The following PPP6R3 variants were observed in gnomAD, a reference collection of about 807,000 sequenced individuals.
PPP6R3 encodes the protein protein phosphatase 6 regulatory subunit 3, also known as serine/threonine-protein phosphatase 6 regulatory subunit 3.
A neutral mutation model predicts 110.7 loss-of-function variants in PPP6R3; 38 were observed. The ratio of observed to expected loss-of-function variants is 0.34; its 90% CI spans 0.26 to 0.45. The LOEUF (loss-of-function observed/expected upper bound fraction) is 0.45. Ranked by LOEUF, PPP6R3 falls within the 20% of genes least tolerant of loss-of-function variation. PPP6R3 has a pLI of 1.00. For synonymous variants in PPP6R3, 369 were observed against 373.5 expected, an observed-to-expected ratio of 0.99 and a Z score of 0.14; for missense variants, 870 against 1,062.4, an observed-to-expected ratio of 0.82 and a Z score of 2.52.
At chr11:68,551,231 CAAAA>C in intron 6 of PPP6R3, 45 bp downstream of exon 6, 3 of 1,375,230 alleles carry the variant, frequency 2.2e-6, no homozygotes, top group South Asian at 1.2e-5. Flanking sequence ...AAAAAAAAAA[CAAAA>C]AACTGTTTAT....
chr11:68,577,939 A>T (rs768399495), intron 14 of PPP6R3, among the ~76,000 whole-genome samples: 3 of 152,184 alleles, frequency 2.0e-5, no homozygotes, highest in Non-Finnish European at 2.9e-5. Flanking sequence ...AACATTACCT[A>T]TATCCCCTGT....
At chr11:68,478,327 C>G (rs1048224860) in intron 1 of PPP6R3, among the ~76,000 whole-genome samples, 5 of 152,156 alleles carry the variant, frequency 3.3e-5, no homozygotes, top group African/African-American at 7.2e-5. Flanking sequence ...GAGGTGTGAG[C>G]CCCGTTGCCC....
intron 12 of PPP6R3, among the ~76,000 whole-genome samples, chr11:68,572,660 GACA>G (rs992775686): frequency 6.6e-6 from 1 of 152,078 alleles, no homozygotes; most frequent in Non-Finnish European, 1.5e-5. Context: ...GACCAGTCTG[GACA>G]ACATAGGGAG....
intron 1 of PPP6R3, among the ~76,000 whole-genome samples, chr11:68,512,497 A>C (rs1372845624): frequency 1.3e-5 from 2 of 152,190 alleles, no homozygotes; most frequent in East Asian, 3.8e-4. Context: ...GAAGCCCTGA[A>C]AGCCAATTAC....
At chr11:68,477,739 A>ATATATATATAT (rs768026020) in intron 1 of PPP6R3, among the ~76,000 whole-genome samples, 21 of 80,388 alleles carry the variant, frequency 2.6e-4, no homozygotes, top group African/African-American at 5.2e-4. Flanking sequence ...AAAAAAAAAA[A>ATATATATATAT]AAATATATAT....
intron 1 of PPP6R3, among the ~76,000 whole-genome samples, chr11:68,470,818 C>T (rs2098785882): frequency 6.6e-6 from 1 of 151,906 alleles, no homozygotes; most frequent in Non-Finnish European, 1.5e-5. Context: ...AGCTGGTGGG[C>T]GTTGCCATGT....
At chr11:68,605,797 G>C (rs931516360) in intron 22 of PPP6R3, among the ~76,000 whole-genome samples, 1 of 152,198 alleles carries the variant, frequency 6.6e-6, no homozygotes, top group Non-Finnish European at 1.5e-5. Context: ...TGTCTGTGGA[G>C]GAAAACAAGG....
rs1251593234 is a variant in PPP6R3 at position 68,599,946 on chromosome 11, A to AC, written c.2039-393dup. ...AGACCATCCTGGCTAACACAGTGAA[A>AC]CCTGTCTCTACTAAAAATACAAAAA... On this transcript the variant is annotated intron_variant, in intron 19 of 23. Coordinates refer to ENST00000393800, the MANE Select transcript of PPP6R3 (RefSeq NM_001164161.2). Among the ~76,000 whole-genome samples, 9 of 152,166 alleles carry AC rather than the reference A, an allele frequency of 5.9e-5. No individual in the cohort carries two copies. The East Asian group carries it at 7.8e-4, about 13-fold the overall frequency.
intron 1 of PPP6R3, among the ~76,000 whole-genome samples, chr11:68,485,486 C>T (rs979084989): frequency 6.6e-6 from 1 of 152,096 alleles, no homozygotes; most frequent in Non-Finnish European, 1.5e-5. Flanking sequence ...GCTTTAATTT[C>T]TGACCATCAA....
intron 1 of PPP6R3, among the ~76,000 whole-genome samples, chr11:68,508,246 A>G (rs970026009): frequency 2.7e-5 from 4 of 146,570 alleles, no homozygotes; most frequent in Non-Finnish European, 4.4e-5. Context: ...CTCCTGCCTC[A>G]GTCTCCCGAG....
intron 3 of PPP6R3, among the ~76,000 whole-genome samples, chr11:68,544,561 A>G (rs940176981): frequency 6.6e-6 from 1 of 152,250 alleles, no homozygotes; most frequent in Non-Finnish European, 1.5e-5. Context: ...GCCCTGCAGC[A>G]TGACCTCTCT....
chr11:68,542,415 A>G (rs2099324605), intron 3 of PPP6R3, among the ~76,000 whole-genome samples: 1 of 528 alleles, frequency 1.9e-3, no homozygotes, highest in African/African-American at 6.3e-3. Context: ...TTTTTTTAAG[A>G]CAGAGTCTTG....
intron 2 of PPP6R3, among the ~76,000 whole-genome samples, chr11:68,523,248 C>T (rs1321757660): frequency 6.6e-6 from 1 of 152,172 alleles, no homozygotes; most frequent in African/African-American, 2.4e-5. Context: ...TCACTTTTTC[C>T]AAACCCTCTG....
rs543216726 is a variant in PPP6R3, at chr11:68,520,374, G to A, written c.-7+723G>A. On this transcript the variant is annotated intron_variant, in intron 2 of 23. Transcript: ENST00000393800. ...AGCAGTGATTTACCAGGGCCTATTGGTTCTACTGTTGACTCTTGCAACTGT... is the reference window on the plus strand; with the variant it reads ...AGCAGTGATTTACCAGGGCCTATTGATTCTACTGTTGACTCTTGCAACTGT... Among the ~76,000 whole-genome samples, 5 of 152,244 alleles carry A rather than the reference G, an allele frequency of 3.3e-5. No homozygotes were observed. The South Asian group carries it at 8.3e-4, about 25-fold the overall frequency.
intron 1 of PPP6R3, among the ~76,000 whole-genome samples, chr11:68,482,176 A>G (rs2098918297): frequency 6.7e-6 from 1 of 149,344 alleles, no homozygotes; most frequent in African/African-American, 2.5e-5. Context: ...ACCTGAGGTC[A>G]GGAGTTCAAG....
intron 3 of PPP6R3, among the ~76,000 whole-genome samples, chr11:68,540,771 G>A (rs561427786): frequency 1.3e-5 from 2 of 152,278 alleles, no homozygotes; most frequent in African/African-American, 2.4e-5. Flanking sequence ...AGAATTGAGC[G>A]ATATTTCTCC....
In PPP6R3 at chr11:68,609,504, T is replaced by C. The variant is rs1315492304; in HGVS notation, c.2451-400T>C. 3.2e-6 allele frequency: 4 copies of C among 1,259,124 alleles called. No homozygotes were observed. In the East Asian group the frequency reaches 7.6e-5, roughly 24 times the overall value. The allele number at this position is 1,259,124 out of a possible 1,614,324, so 78.0% of individuals were successfully genotyped here. A position where few individuals can be genotyped will look rare whatever the true frequency, so the allele number is the denominator to read the frequency against. On this transcript the variant is annotated intron_variant, in intron 22 of 23. Coordinates refer to ENST00000393800, the MANE Select transcript of PPP6R3 (RefSeq NM_001164161.2). The stretch of plus-strand genomic sequence containing the variant: ...TGACACCTTCACCGAGTCTGCAGTT[T>C]TGCTTACGTGCAGTCGTGGACATAT...
chr11:68,511,446 ATGTGTTAC>A (rs952656464), intron 1 of PPP6R3, among the ~76,000 whole-genome samples: 1 of 128,362 alleles, frequency 7.8e-6, no homozygotes, highest in Non-Finnish European at 1.7e-5. Flanking sequence ...TCCTCTGGAA[ATGTGTTAC>A]TGTGTTAGAG....
chr11:68,507,463 A>T (rs1194995965), intron 1 of PPP6R3, among the ~76,000 whole-genome samples: 3 of 152,094 alleles, frequency 2.0e-5, no homozygotes, highest in Non-Finnish European at 2.9e-5. Context: ...GATTATGGGC[A>T]TTTATGCAGT....
Sources: gnomAD v4.1 joint callset for allele counts (sites outside exome capture counted in the v4.1 genomes callset) on GRCh38, gnomAD v4.1.1 for gene constraint, MANE v1.5 for transcripts, NCBI Gene and HGNC (gene_info 2026-07-23, HGNC 2026-07-21) for gene names.